Variants in ATG4B observed in about 807,000 individuals in gnomAD.
ATG4B encodes autophagy related 4B cysteine peptidase.
A neutral mutation model predicts 56.6 loss-of-function variants in ATG4B; 29 were observed. The observed-to-expected ratio is 0.51, with a 90% confidence interval of 0.38 to 0.70. ATG4B has a LOEUF of 0.70. Among genes scored for constraint, ATG4B ranks in the 30% least tolerant of loss-of-function variants. The pLI is 0.00. For synonymous variants in ATG4B, 224 were observed against 206.1 expected, an observed-to-expected ratio of 1.09 and a Z score of -0.74; for missense variants, 461 against 515.5, an observed-to-expected ratio of 0.89 and a Z score of 1.02.
intron 1 of ATG4B, among the ~76,000 whole-genome samples, 188 bp from the exon 2 acceptor site, chr2:241,650,822 T>C (rs4464318): frequency 0.56 from 84,341 of 151,660 alleles, 24,222 homozygotes; most frequent in East Asian, 0.87. Flanking sequence ...AGGGCCTCCT[T>C]CTCTTTCCTA....
Position 241,651,856 on chromosome 2 carries a change from G to C in ATG4B, c.184+521G>C. 3 of 1,281,346 alleles carry C rather than the reference G, an allele frequency of 2.3e-6. No homozygotes were observed. In the South Asian group the frequency reaches 3.7e-5, roughly 16 times the overall value. The allele number at this position is 1,281,346 out of a possible 1,614,324, so 79.4% of individuals were successfully genotyped here. On this transcript the variant is annotated intron_variant, in intron 3 of 12. Transcript: ENST00000404914. The surrounding 1 kb of genome is among the most constrained non-coding windows in gnomAD (Gnocchi z 4.1). ...CCAGGTGAATGTGACATGTTTTTAT[G>C]TAACACTAAGGTGCATTCTGTTAAA...
chr2:241,655,192 T>G, intron 5 of ATG4B, 79 bp from the exon 6 acceptor site: 1 of 1,440,960 alleles, frequency 6.9e-7, no homozygotes, highest in Non-Finnish European at 9.6e-7. Flanking sequence ...TCCTGTGACG[T>G]GTCTCCTGGC....
At chr2:241,656,777 G>T (rs1299953820) in intron 6 of ATG4B, among the ~76,000 whole-genome samples, 2 of 152,348 alleles carry the variant, frequency 1.3e-5, no homozygotes, top group South Asian at 2.1e-4. Context: ...TTCTCCTACA[G>T]TGGTCCTTCA....
intron 1 of ATG4B, among the ~76,000 whole-genome samples, chr2:241,643,206 G>A (rs1470187015): frequency 6.6e-6 from 1 of 151,146 alleles, no homozygotes; most frequent in Admixed American, 6.6e-5. Flanking sequence ...TGTTCCTCCT[G>A]CGTGTCATCT....
intron 11 of ATG4B, among the ~76,000 whole-genome samples, chr2:241,670,986 G>A (rs2068949765): frequency 1.3e-5 from 2 of 152,216 alleles, no homozygotes; most frequent in Non-Finnish European, 2.9e-5. Context: ...AACAACCCTG[G>A]GGACGGATGT....
chr2:241,659,262 C>T (rs756581685), intron 7 of ATG4B, 75 bp downstream of exon 7: 8 of 1,340,148 alleles, frequency 6.0e-6, no homozygotes, highest in Middle Eastern at 1.8e-4. Context: ...GCCTGAGTCC[C>T]CACGGGAGCC....
In ATG4B at chr2:241,672,386, C is replaced by T. The variant is rs554333403; in HGVS notation, c.*122C>T. ...CCCGTGCTGCCTCCCCCCAGAGGGCCACCCGCTGTGCTCGTGGACTGAGGC... is the reference window on the plus strand; with the variant it reads ...CCCGTGCTGCCTCCCCCCAGAGGGCTACCCGCTGTGCTCGTGGACTGAGGC... On this transcript the variant is annotated 3_prime_UTR_variant, in exon 13 of 13. Transcript: ENST00000404914. 6.2e-4 allele frequency: 549 copies of T among 888,552 alleles called. 4 individuals are homozygous for T. In the South Asian group the frequency reaches 8.4e-3, roughly 14 times the overall value. 55.0% of individuals were successfully genotyped at this position (888,552 alleles called of 1,614,324 possible). A position where few individuals can be genotyped will look rare whatever the true frequency, so the allele number is the denominator to read the frequency against.
intron 1 of ATG4B, among the ~76,000 whole-genome samples, chr2:241,642,130 C>T (rs2067908633): frequency 6.6e-6 from 1 of 150,482 alleles, no homozygotes; most frequent in South Asian, 2.1e-4. Flanking sequence ...AGTATGTTAG[C>T]ATAACATGTA....
chr2:241,670,880 A>T, intron 11 of ATG4B, 98 bp downstream of exon 11: 1 of 1,274,844 alleles, frequency 7.8e-7, no homozygotes. Context: ...GGTCTCAGGC[A>T]GCCTCACTGG....
intron 1 of ATG4B, among the ~76,000 whole-genome samples, chr2:241,645,130 G>A (rs2068024197): frequency 6.6e-6 from 1 of 152,150 alleles, no homozygotes; most frequent in South Asian, 2.1e-4. Context: ...GGTGAGTTCT[G>A]CTCGGAGGGC....
rs1424207306 is a variant in ATG4B, at chr2:241,655,340, T to C, written c.455T>C (p.Leu152Pro). Residue 152 changes from leucine to proline, a missense_variant, in exon 6 of 13, where the codon CTG becomes CCG. Leu to Pro is a moderately conservative substitution (Grantham distance 98, BLOSUM62 -3). Transcript: ENST00000404914. ...WYGPNTVAQVLKKLAVFDTWS... is the reference protein window; with the variant it reads ...WYGPNTVAQVPKKLAVFDTWS... ...GGGCCCAACACTGTCGCCCAGGTCC[T>C]GAAGTATGTACTGCGCTTCCACTGC... 2 of 1,607,816 alleles carry C rather than the reference T, an allele frequency of 1.2e-6. No individual in the cohort carries two copies. Among genetic ancestry groups the C allele is most frequent in the African/African-American group, 1.3e-5 (1 of 74,860 alleles).
chr2:241,651,274 G>A lies in ATG4B; in HGVS notation c.123G>A (p.Glu41=). 1 of 1,600,298 alleles carries A rather than the reference G, an allele frequency of 6.2e-7. No individual in the cohort carries two copies. The highest frequency in any genetic ancestry group is 8.5e-7 in the Non-Finnish European group (1 of 1,172,926). ...TTAAACAACCTCTAGAAAAGGACGAGATCTTGTCTGATGTGGCATCTAGAC... is the reference window on the plus strand; with the variant it reads ...TTAAACAACCTCTAGAAAAGGACGAAATCTTGTCTGATGTGGCATCTAGAC... ...RKYSIFTEKD[E]ILSDVASRLW... Residue 41 remains glutamate (E), a synonymous_variant, in exon 3 of 13, where the codon GAG becomes GAA. Coordinates refer to ENST00000404914, the MANE Select transcript of ATG4B (RefSeq NM_013325.5). The surrounding 1 kb of genome is among the most constrained non-coding windows in gnomAD (Gnocchi z 4.1).
chr2:241,668,215 T>G lies in ATG4B; in HGVS notation c.805T>G (p.Tyr269Asp). 6.2e-7 allele frequency: 1 copy of G among 1,602,412 alleles called. No individual in the cohort carries two copies. The highest frequency in any genetic ancestry group is 8.5e-7 in the Non-Finnish European group (1 of 1,175,036). ...CAACAGCGCCCACTACTTCATCGGC[T>G]ACGTTGGTGAGTCCAGGGTTCCCAC... ...KPNSAHYFIG[Y>D]VGEELIYLDP... is the part of the protein sequence containing the mutation. Residue 269 changes from tyrosine (Y) to aspartate (D), a missense_variant, in exon 9 of 13, where the codon TAC becomes GAC. By Grantham distance (160) the Tyr-to-Asp change is radical (BLOSUM62 -3). Transcript: ENST00000404914. The surrounding 1 kb of genome is among the most constrained non-coding windows in gnomAD (Gnocchi z 4.2).
At chr2:241,644,673 G>T (rs1237478592) in intron 1 of ATG4B, among the ~76,000 whole-genome samples, 1 of 152,150 alleles carries the variant, frequency 6.6e-6, no homozygotes, top group Non-Finnish European at 1.5e-5. Flanking sequence ...GTGTCGGCCG[G>T]TTGCGGTGGC....
chr2:241,645,501 G>T (rs1332879814), intron 1 of ATG4B, among the ~76,000 whole-genome samples: 1 of 152,218 alleles, frequency 6.6e-6, no homozygotes, highest in Non-Finnish European at 1.5e-5. Context: ...TCAGTGATCT[G>T]AGAAGGCTGG....
At chr2:241,670,675 G>A in intron 10 of ATG4B, 51 bp from the exon 11 acceptor site, 1 of 1,529,876 alleles carries the variant, frequency 6.5e-7, no homozygotes, top group Non-Finnish European at 8.9e-7. Flanking sequence ...CCACCTCTTA[G>A]CCGACTGCAG....
intron 3 of ATG4B, chr2:241,653,271 G>C: frequency 1.4e-6 from 2 of 1,440,554 alleles, no homozygotes; most frequent in Non-Finnish European, 1.9e-6. Context: ...CTTTTGCTCC[G>C]TGACTGACTT....
At chr2:241,643,794 C>T (rs1203782632) in intron 1 of ATG4B, among the ~76,000 whole-genome samples, 1 of 151,060 alleles carries the variant, frequency 6.6e-6, no homozygotes, top group Non-Finnish European at 1.5e-5. Context: ...AACCCTTGAC[C>T]TCAGGTGATC....
At chr2:241,665,942 C>T (rs1484307735) in intron 7 of ATG4B, among the ~76,000 whole-genome samples, 1 of 152,244 alleles carries the variant, frequency 6.6e-6, no homozygotes, top group Non-Finnish European at 1.5e-5. Context: ...CTTTTTGATG[C>T]TTGACGGTTC....
Sources: gnomAD v4.1 joint callset for allele counts (sites outside exome capture counted in the v4.1 genomes callset) on GRCh38, gnomAD v4.1.1 for gene constraint, Gnocchi (gnomAD v3.1) non-coding constraint, MANE v1.5 for transcripts, NCBI Gene and HGNC (gene_info 2026-07-23, HGNC 2026-07-21) for gene names.